Variants in TAF1 observed in about 807,000 individuals in gnomAD.
TAF1 encodes TATA-box binding protein associated factor 1.
In TAF1, 2 loss-of-function variants were observed where a neutral mutation model predicts 138.5. The observed-to-expected ratio is 0.01, with a 90% CI of 0.01 to 0.05. The LOEUF (loss-of-function observed/expected upper bound fraction) is 0.05. Ranked by LOEUF, TAF1 falls within the 10% of genes least tolerant of loss-of-function variation. The pLI, the probability that TAF1 is intolerant of heterozygous loss-of-function variation, is 1.00. For synonymous variants in TAF1, 437 were observed against 503.2 expected, an observed-to-expected ratio of 0.87 and a Z score of 1.76; for missense variants, 709 against 1,478.0, an observed-to-expected ratio of 0.48 and a Z score of 8.53.
intron 13 of TAF1, among the ~76,000 whole-genome samples, chrX:71,493,510 T>C (rs766633440): frequency 8.9e-6 from 1 of 112,816 alleles, no homozygotes; most frequent in Non-Finnish European, 1.9e-5. Context: ...TCTTCCAGAA[T>C]CTCTGCTTTC....
intron 2 of TAF1, 92 bp from the exon 3 acceptor site, chrX:71,367,962 C>T (rs2032689942): frequency 1.0e-6 from 1 of 975,407 alleles, no homozygotes; most frequent in Non-Finnish European, 1.4e-6. Flanking sequence ...TGAGCCACCG[C>T]ATCCAGCCTG....
chrX:71,461,285 G>A (rs1369733921), intron 37 of TAF1, among the ~76,000 whole-genome samples: 1 of 111,680 alleles, frequency 9.0e-6, no homozygotes, highest in Non-Finnish European at 1.9e-5. Context: ...GGAAGTTGTT[G>A]GGGAGTTGAG....
intron 29 of TAF1, among the ~76,000 whole-genome samples, chrX:71,422,497 T>G (rs1189417643): frequency 9.5e-6 from 1 of 105,354 alleles, no homozygotes; most frequent in East Asian, 3.0e-4. Flanking sequence ...TTTTTTTTTT[T>G]GTATTCTTAG....
intron 28 of TAF1, among the ~76,000 whole-genome samples, chrX:71,408,804 T>C (rs2035611629): frequency 9.0e-6 from 1 of 110,810 alleles, no homozygotes; most frequent in Non-Finnish European, 1.9e-5. Flanking sequence ...GGCAGGCGGA[T>C]CACAAAGTCA....
chrX:71,482,693 G>T (rs914289105), intron 13 of TAF1, among the ~76,000 whole-genome samples: 2 of 112,066 alleles, frequency 1.8e-5, no homozygotes, highest in African/African-American at 6.5e-5. Flanking sequence ...ACTGATCAGG[G>T]TGGTGGTTGC....
chrX:71,451,044 A>G (rs1429894961), intron 32 of TAF1, among the ~76,000 whole-genome samples: 2 of 112,553 alleles, frequency 1.8e-5, no homozygotes, highest in African/African-American at 3.2e-5. Flanking sequence ...TTAGGTTTTT[A>G]TGTGAAATCT....
chrX:71,512,766 C>G (rs1391498298), intron 13 of TAF1, among the ~76,000 whole-genome samples: 1 of 109,974 alleles, frequency 9.1e-6, no homozygotes, highest in Non-Finnish European at 1.9e-5. Flanking sequence ...TGCAGTGAGC[C>G]GAGATTGTGC....
At chrX:71,523,211 C>T (rs2039937289) in intron 13 of TAF1, among the ~76,000 whole-genome samples, 1 of 104,356 alleles carries the variant, frequency 9.6e-6, no homozygotes, top group South Asian at 4.2e-4. Context: ...AAAAAAAATC[C>T]GTTATAGGTT....
chrX:71,390,499 A>G (rs1425850206), intron 18 of TAF1, among the ~76,000 whole-genome samples: 2 of 111,341 alleles, frequency 1.8e-5, no homozygotes, highest in Non-Finnish European at 3.8e-5. Flanking sequence ...TTCTCCTTTC[A>G]TTATGTACAT....
intron 32 of TAF1, among the ~76,000 whole-genome samples, chrX:71,448,401 G>C (rs116603625): frequency 3.5e-3 from 393 of 111,939 alleles, no homozygotes; most frequent in African/African-American, 0.012. Context: ...ATGGATCTCT[G>C]TGAAAATCCG....
In TAF1 at chrX:71,449,211, C is replaced by T. The variant is rs189063848; in HGVS notation, c.4754-4959C>T. ...TTCTCCATGTTGGTCAGGCTGGTCT[C>T]GAACTCCCAATCAGGTGATCCGTCC... On this transcript the variant is annotated intron_variant, in intron 32 of 37. Transcript: ENST00000423759. 3.6e-5 allele frequency among the ~76,000 whole-genome samples: 4 copies of T among 111,555 alleles called. No individual in the cohort carries two copies. The Admixed American group carries it at 3.8e-4, about 11-fold the overall frequency.
Position 71,388,820 on chromosome X carries a change from G to C in TAF1, c.2652G>C (p.Glu884Asp), listed in dbSNP as rs1312287749. The change falls in exon 17 of 38, where the codon GAG (glutamate) becomes GAC (aspartate). Residue 884 changes from glutamate (E) to aspartate (D), a missense_variant. By Grantham distance (45) the Glu-to-Asp change is conservative (BLOSUM62 2). Coordinates refer to ENST00000423759, the MANE Select transcript of TAF1 (RefSeq NM_004606.5). ...EEEIRAMVSP[E>D]QCCAYYSMIA... ...AGATCAGAGCTATGGTGTCACCAGA[G>C]CAGTGCTGTGCTTATTATAGCATGA... is the stretch of plus-strand genomic sequence containing the variant. The C allele has an allele frequency of 8.3e-7, 1 of 1,211,541 alleles. No individual in the cohort carries two copies. The highest frequency in any genetic ancestry group is 1.1e-6 in the Non-Finnish European group (1 of 895,390).
intron 13 of TAF1, among the ~76,000 whole-genome samples, chrX:71,506,552 G>A (rs372353396): frequency 3.1e-4 from 33 of 106,490 alleles, no homozygotes; most frequent in African/African-American, 9.2e-4. Flanking sequence ...AAAAGTAGCC[G>A]GGCATGGTGG....
At chrX:71,452,954 G>A (rs1035462310) in intron 32 of TAF1, among the ~76,000 whole-genome samples, 4 of 111,743 alleles carry the variant, frequency 3.6e-5, no homozygotes, top group Admixed American at 9.4e-5. Flanking sequence ...GCAGGCACTC[G>A]GCAGGCTGAG....
intron 13 of TAF1, chrX:71,491,033 TG>T (rs1429124749): frequency 2.0e-4 from 20 of 98,683 alleles, no homozygotes; most frequent in African/African-American, 7.8e-4. Flanking sequence ...TTGTTGTTGT[TG>T]TTGTTGTTGT....
chrX:71,494,528 ATTC>A (rs2039360061), intron 13 of TAF1, among the ~76,000 whole-genome samples: 1 of 112,486 alleles, frequency 8.9e-6, no homozygotes, highest in South Asian at 3.6e-4. Flanking sequence ...GCCCAAGACA[ATTC>A]TTCTTCCAGT....
At chrX:71,419,591 C>T (rs1335085385) in intron 28 of TAF1, among the ~76,000 whole-genome samples, 1 of 109,389 alleles carries the variant, frequency 9.1e-6, no homozygotes, top group African/African-American at 3.3e-5. Context: ...GGCAGGGAGC[C>T]GGAGAAGAGG....
rs151257934 is a variant in TAF1 at position 71,377,160 on chromosome X, C to T, written c.683C>T (p.Thr228Ile). 1.7e-6 allele frequency: 2 copies of T among 1,209,543 alleles called. No individual in the cohort carries two copies. Among genetic ancestry groups the T allele is most frequent in the African/African-American group, 3.5e-5 (2 of 57,003 alleles). The change falls in exon 5 of 38, where the codon ACA becomes ATA. Residue 228 changes from threonine to isoleucine, a missense_variant. Coordinates refer to ENST00000423759, the MANE Select transcript of TAF1 (RefSeq NM_004606.5). ...HDATKLLPSV[T>I]ELFPEFRPGK... ...GCCACCAAGCTGTTGCCAAGTGTCA[C>T]AGAACTTTTTCCAGAATTTCGACCT...
At chrX:71,508,203 A>T (rs2039666559) in intron 13 of TAF1, among the ~76,000 whole-genome samples, 1 of 107,161 alleles carries the variant, frequency 9.3e-6, no homozygotes, top group Non-Finnish European at 1.9e-5. Flanking sequence ...GCTTTGTGGT[A>T]TATGCGATGA....
Sources: allele counts gnomAD v4.1 joint callset (sites outside exome capture counted in the v4.1 genomes callset), GRCh38; gene constraint gnomAD v4.1.1; transcripts MANE v1.5; gene names NCBI Gene and HGNC (gene_info 2026-07-23, HGNC 2026-07-21).